The following KHDRBS2 variants were observed in gnomAD, a reference collection of about 807,000 sequenced individuals.
KHDRBS2 encodes the protein KH domain-containing, RNA-binding, signal transduction-associated protein 2.
In KHDRBS2, 26 loss-of-function variants were observed where a neutral mutation model predicts 44.3. That is an observed-to-expected ratio of 0.59 (90% confidence interval 0.43 to 0.81). The LOEUF (loss-of-function observed/expected upper bound fraction) is 0.81, where lower values mean the gene tolerates loss of function less well. KHDRBS2 is among the 40% of genes least tolerant of loss of function. The pLI is 0.00. For synonymous variants in KHDRBS2, 194 were observed against 151.1 expected (o/e 1.28, Z -2.08); for missense variants, 476 against 433.1 (o/e 1.10, Z -0.88).
chr6:62,093,312 A>ACTT (rs1250664554), intron 2 of KHDRBS2, among the ~76,000 whole-genome samples: 2 of 151,968 alleles, frequency 1.3e-5, no homozygotes, highest in Non-Finnish European at 2.9e-5. Context: ...TATAGTTTCA[A>ACTT]CTTAATGTTT....
chr6:61,989,021 C>T (rs1207107227), intron 3 of KHDRBS2, among the ~76,000 whole-genome samples: 3 of 152,174 alleles, frequency 2.0e-5, no homozygotes, highest in Non-Finnish European at 4.4e-5. Context: ...TGTTAAAAGA[C>T]ATGATTTACC....
In KHDRBS2 at chr6:61,848,494, T is replaced by TACAC. The variant is rs1481436332; in HGVS notation, c.810+46140_810+46141insGTGT. Among the ~76,000 whole-genome samples, 12 of 50,566 alleles carry TACAC rather than the reference T, an allele frequency of 2.4e-4. 1 individual carries two copies. Among genetic ancestry groups the TACAC allele is most frequent in the African/African-American group, 6.7e-4 (6 of 8,938 alleles). 33.2% of individuals were successfully genotyped at this position (50,566 alleles called of 152,430 possible). ...TTATATATATATATATATATATGTA[T>TACAC]ATATATATATATATATGTATATATG... On this transcript the variant is annotated intron_variant, in intron 6 of 8. Transcript: ENST00000281156.
At chr6:61,718,678 C>T (rs1396228899) in intron 7 of KHDRBS2, among the ~76,000 whole-genome samples, 1 of 152,138 alleles carries the variant, frequency 6.6e-6, no homozygotes, top group Middle Eastern at 3.4e-3. Flanking sequence ...GTAGGATGGC[C>T]GTGGTTGCCA....
At chr6:62,203,535 A>G (rs1827397646) in intron 1 of KHDRBS2, among the ~76,000 whole-genome samples, 1 of 152,094 alleles carries the variant, frequency 6.6e-6, no homozygotes. Flanking sequence ...TGAAAGAATG[A>G]GTGTGCATCT....
At chr6:62,022,506 G>C (rs1782536187) in intron 3 of KHDRBS2, among the ~76,000 whole-genome samples, 1 of 151,598 alleles carries the variant, frequency 6.6e-6, no homozygotes, top group African/African-American at 2.4e-5. Flanking sequence ...GAAATTCTGG[G>C]CAAATTATTT....
At chr6:61,973,002 T>G (rs1324785201) in intron 4 of KHDRBS2, among the ~76,000 whole-genome samples, 1 of 151,992 alleles carries the variant, frequency 6.6e-6, no homozygotes, top group Non-Finnish European at 1.5e-5. Flanking sequence ...AGAAATAAGC[T>G]GTGTGTGGTG....
the KHDRBS2 span, among the ~76,000 whole-genome samples, chr6:61,584,991 C>T: frequency 1.3e-5 from 2 of 151,496 alleles, no homozygotes; most frequent in Admixed American, 6.6e-5. Context: ...AAATTTATAC[C>T]AAAATTGTAA....
chr6:62,071,318 T>G (rs986835948), intron 2 of KHDRBS2, among the ~76,000 whole-genome samples: 3 of 152,206 alleles, frequency 2.0e-5, no homozygotes, highest in Non-Finnish European at 1.5e-5. Flanking sequence ...GTAGTTTCTT[T>G]TGCTGTGCAG....
intron 6 of KHDRBS2, among the ~76,000 whole-genome samples, chr6:61,892,613 C>T (rs1408781455): frequency 6.6e-6 from 1 of 152,122 alleles, no homozygotes; most frequent in East Asian, 1.9e-4. Context: ...CTACAACTAT[C>T]TGATCTTTGA....
downstream of KHDRBS2, among the ~76,000 whole-genome samples, chr6:61,678,698 A>AT (rs1174029419): frequency 5.9e-5 from 9 of 152,066 alleles, no homozygotes; most frequent in Admixed American, 5.9e-4. Flanking sequence ...TGCCAGGTAA[A>AT]TACTAAATCA....
At chr6:62,062,935 G>T (rs1028485442) in intron 2 of KHDRBS2, among the ~76,000 whole-genome samples, 7 of 149,962 alleles carry the variant, frequency 4.7e-5, no homozygotes, top group Non-Finnish European at 1.0e-4. Context: ...AATAAAAAAT[G>T]ATAAAGGGGA....
At chr6:61,653,619 G>C in the KHDRBS2 span, among the ~76,000 whole-genome samples, 6 of 140,528 alleles carry the variant, frequency 4.3e-5, no homozygotes, top group South Asian at 8.8e-4. Context: ...GAGACAGAGA[G>C]AGAGAGAGAG....
At chr6:61,570,072 G>T in the KHDRBS2 span, among the ~76,000 whole-genome samples, 1 of 151,986 alleles carries the variant, frequency 6.6e-6, no homozygotes, top group African/African-American at 2.4e-5. Context: ...TCCAAACCAA[G>T]AAGAAATCTC....
intron 6 of KHDRBS2, chr6:61,813,945 G>T: frequency 2.2e-6 from 1 of 455,780 alleles, no homozygotes; most frequent in South Asian, 1.5e-5. Context: ...TCAGAATCCT[G>T]ATGAACAACT....
At chr6:61,948,678 T>TATG (rs1764112645) in intron 4 of KHDRBS2, among the ~76,000 whole-genome samples, 2 of 148,504 alleles carry the variant, frequency 1.3e-5, no homozygotes, top group South Asian at 4.2e-4. Context: ...TTATTATTAT[T>TATG]ATTATTATTA....
At chr6:62,263,630 C>T (rs1335884193) in intron 1 of KHDRBS2, among the ~76,000 whole-genome samples, 1 of 151,674 alleles carries the variant, frequency 6.6e-6, no homozygotes, top group Non-Finnish European at 1.5e-5. Flanking sequence ...AAAATCTGAG[C>T]ATCTCTTCAC....
intron 3 of KHDRBS2, among the ~76,000 whole-genome samples, chr6:62,004,675 A>T (rs878936236): frequency 2.0e-5 from 3 of 152,104 alleles, no homozygotes; most frequent in African/African-American, 7.2e-5. Context: ...CCAGCATCAT[A>T]CTGATACCAA....
the KHDRBS2 span, among the ~76,000 whole-genome samples, chr6:61,655,111 C>CA: frequency 2.6e-5 from 4 of 151,678 alleles, no homozygotes; most frequent in Non-Finnish European, 4.4e-5. Context: ...CCAGAAACAA[C>CA]ACAAAACCCA....
chr6:62,107,248 CAG>C (rs1480898746), intron 2 of KHDRBS2, among the ~76,000 whole-genome samples: 1 of 152,156 alleles, frequency 6.6e-6, no homozygotes, highest in Non-Finnish European at 1.5e-5. Flanking sequence ...AGCAAAGTCT[CAG>C]GATACAAAAT....
Sources: allele counts gnomAD v4.1 joint callset (sites outside exome capture counted in the v4.1 genomes callset), GRCh38; gene constraint gnomAD v4.1.1; transcripts MANE v1.5; gene names NCBI Gene and HGNC (gene_info 2026-07-23, HGNC 2026-07-21).